ZBTB20: variants seen among roughly 807,000 people sequenced by gnomAD.
ZBTB20 encodes zinc finger and BTB domain containing 20.
In ZBTB20, 9 loss-of-function variants were observed where a neutral mutation model predicts 56.9. That is an observed-to-expected ratio of 0.16 (90% CI 0.10 to 0.28). ZBTB20 has a LOEUF of 0.28. ZBTB20 is among the 10% of genes least tolerant of loss of function. ZBTB20 has a pLI of 1.00. For synonymous variants in ZBTB20, 417 were observed against 420.7 expected, an observed-to-expected ratio of 0.99 and a Z score of 0.11; for missense variants, 655 against 1,003.0, an observed-to-expected ratio of 0.65 and a Z score of 4.69.
intron 5 of ZBTB20, among the ~76,000 whole-genome samples, chr3:114,747,499 G>C (rs1429109930): frequency 1.3e-5 from 2 of 152,098 alleles, no homozygotes; most frequent in Non-Finnish European, 2.9e-5. Flanking sequence ...AGGAGATGGA[G>C]GTTGCAGTGA....
At chr3:114,772,944 T>A (rs138572363) in intron 5 of ZBTB20, among the ~76,000 whole-genome samples, 9 of 152,276 alleles carry the variant, frequency 5.9e-5, no homozygotes, top group Admixed American at 5.2e-4. Context: ...AGCAGAGAAC[T>A]TTTTTGGCTG....
Position 115,072,994 on chromosome 3 carries a change from C to G in ZBTB20, c.-702-1580G>C, listed in dbSNP as rs1452353302. Among the ~76,000 whole-genome samples the G allele has an allele frequency of 2.6e-5, 4 of 152,166 alleles. No individual in the cohort carries two copies. In the East Asian group the frequency reaches 7.7e-4, roughly 29 times the overall value. ...AAGAATAATAAGATAATATTTACCT[C>G]ACAGTTTAGTTATAAGCACAAGGGG... On this transcript the variant is annotated intron_variant, in intron 1 of 11. Transcript: ENST00000675478.
At chr3:115,104,589 G>A (rs755276352) in intron 1 of ZBTB20, among the ~76,000 whole-genome samples, 4 of 152,138 alleles carry the variant, frequency 2.6e-5, no homozygotes, top group Non-Finnish European at 5.9e-5. Flanking sequence ...AAGCCAATCT[G>A]AAAAGATTGC....
intron 5 of ZBTB20, among the ~76,000 whole-genome samples, chr3:114,712,180 C>T (rs1383783761): frequency 6.6e-6 from 1 of 152,090 alleles, no homozygotes; most frequent in African/African-American, 2.4e-5. Context: ...GACTTGAGCT[C>T]TAAATTTAGT....
intron 5 of ZBTB20, among the ~76,000 whole-genome samples, chr3:114,723,905 T>A (rs1374748368): frequency 6.6e-6 from 1 of 152,046 alleles, no homozygotes; most frequent in Non-Finnish European, 1.5e-5. Context: ...GTCTCACTCT[T>A]TTGCCCAGGC....
At chr3:115,115,160 C>T (rs73230608) in intron 1 of ZBTB20, among the ~76,000 whole-genome samples, 2 of 152,118 alleles carry the variant, frequency 1.3e-5, no homozygotes, top group South Asian at 4.1e-4. Context: ...TGATGTCCTA[C>T]AGCACTTGTG....
intron 10 of ZBTB20, among the ~76,000 whole-genome samples, chr3:114,360,615 T>G (rs2081759038): frequency 6.6e-6 from 1 of 151,960 alleles, no homozygotes; most frequent in Non-Finnish European, 1.5e-5. Flanking sequence ...CCTCCCAAAG[T>G]GCTGGGATTA....
chr3:114,877,117 C>A (rs2076228199), intron 4 of ZBTB20, among the ~76,000 whole-genome samples: 1 of 152,128 alleles, frequency 6.6e-6, no homozygotes, highest in Admixed American at 6.5e-5. Context: ...TATATAATTG[C>A]TAAATGCAAG....
intron 2 of ZBTB20, among the ~76,000 whole-genome samples, chr3:114,996,014 A>G (rs755813848): frequency 2.6e-5 from 4 of 151,854 alleles, no homozygotes; most frequent in East Asian, 1.9e-4. Flanking sequence ...AGTTCCATGT[A>G]TCAGTCAAGG....
intron 6 of ZBTB20, among the ~76,000 whole-genome samples, chr3:114,691,127 C>G (rs1181265601): frequency 6.6e-6 from 1 of 152,036 alleles, no homozygotes; most frequent in Non-Finnish European, 1.5e-5. Context: ...GAATATTAGG[C>G]AACTCACTGA....
At chr3:115,024,387 G>A (rs9825670) in intron 2 of ZBTB20, among the ~76,000 whole-genome samples, 35,019 of 150,752 alleles carry the variant, frequency 0.23, 4,726 homozygotes, top group East Asian at 0.65. Flanking sequence ...ATAATGGGAC[G>A]AAGAACAGGC....
At chr3:114,930,332 A>G (rs1382382544) in intron 3 of ZBTB20, among the ~76,000 whole-genome samples, 3 of 152,218 alleles carry the variant, frequency 2.0e-5, no homozygotes, top group Non-Finnish European at 4.4e-5. Flanking sequence ...GGAGAAAAAA[A>G]TGAAAAAAGG....
chr3:114,641,015 G>A (rs1180697038), intron 6 of ZBTB20, among the ~76,000 whole-genome samples: 1 of 151,896 alleles, frequency 6.6e-6, no homozygotes, highest in Non-Finnish European at 1.5e-5. Flanking sequence ...TACTCGGTGT[G>A]CAAATTTAAA....
At chr3:114,504,514 A>G (rs1023187052) in intron 6 of ZBTB20, among the ~76,000 whole-genome samples, 2 of 152,222 alleles carry the variant, frequency 1.3e-5, no homozygotes, top group African/African-American at 4.8e-5. Flanking sequence ...TTATCCAATA[A>G]CTACTTCTTC....
intron 6 of ZBTB20, among the ~76,000 whole-genome samples, chr3:114,691,151 TCAA>T (rs2062675989): frequency 6.6e-6 from 1 of 152,148 alleles, no homozygotes; most frequent in Non-Finnish European, 1.5e-5. Flanking sequence ...GATTTTACAA[TCAA>T]CTGTTACATG....
chr3:114,973,437 G>C (rs1019579325), intron 3 of ZBTB20, among the ~76,000 whole-genome samples: 1 of 152,086 alleles, frequency 6.6e-6, no homozygotes, highest in Non-Finnish European at 1.5e-5. Flanking sequence ...TTGGTGCCTC[G>C]ATCTTGGGGC....
chr3:115,086,932 T>C (rs886874370), intron 1 of ZBTB20, among the ~76,000 whole-genome samples: 2 of 151,858 alleles, frequency 1.3e-5, no homozygotes, highest in Non-Finnish European at 2.9e-5. Flanking sequence ...AGATACCACA[T>C]TAAAAAGTTT....
At chr3:114,755,561 A>G (rs1453253042) in intron 5 of ZBTB20, among the ~76,000 whole-genome samples, 1 of 152,178 alleles carries the variant, frequency 6.6e-6, no homozygotes, top group Admixed American at 6.6e-5. Flanking sequence ...GCTAAAATAT[A>G]TATGTATTTA....
At chr3:114,516,367 T>A (rs987321978) in intron 6 of ZBTB20, among the ~76,000 whole-genome samples, 2 of 152,198 alleles carry the variant, frequency 1.3e-5, no homozygotes, top group African/African-American at 4.8e-5. Flanking sequence ...GTTTCCTCTC[T>A]ATAAACATAT....
Sources: gnomAD v4.1 joint callset for allele counts (sites outside exome capture counted in the v4.1 genomes callset) on GRCh38, gnomAD v4.1.1 for gene constraint, MANE v1.5 for transcripts, NCBI Gene and HGNC (gene_info 2026-07-23, HGNC 2026-07-21) for gene names.